Variants in ANKHD1 observed in about 807,000 individuals in gnomAD.
ANKHD1 encodes the protein ankyrin repeat and KH domain containing 1.
In ANKHD1, 31 loss-of-function variants were observed where a neutral mutation model predicts 230.5. The ratio of observed to expected loss-of-function variants is 0.13; its 90% CI spans 0.10 to 0.18. The LOEUF is 0.18. Ranked by LOEUF, ANKHD1 falls within the 10% of genes least tolerant of loss-of-function variation. ANKHD1 has a pLI of 1.00. For synonymous variants in ANKHD1, 1,074 were observed against 1,117.6 expected (o/e 0.96, Z 0.78); for missense variants, 2,256 against 3,071.3 (o/e 0.73, Z 6.27).
At chr5:140,425,459 C>T (rs919717113) in intron 1 of ANKHD1, among the ~76,000 whole-genome samples, 4 of 152,070 alleles carry the variant, frequency 2.6e-5, no homozygotes, top group Admixed American at 2.0e-4. Context: ...GGGTTTCACC[C>T]TGTTGCCCAG....
chr5:140,461,387 A>G (rs994000202), intron 9 of ANKHD1, among the ~76,000 whole-genome samples: 1 of 152,224 alleles, frequency 6.6e-6, no homozygotes, highest in Non-Finnish European at 1.5e-5. Context: ...TTATGTGATC[A>G]CTACCTAAAA....
intron 7 of ANKHD1, among the ~76,000 whole-genome samples, chr5:140,455,078 A>G (rs1031113358): frequency 6.6e-6 from 1 of 152,226 alleles, no homozygotes; most frequent in Admixed American, 6.5e-5. Context: ...AGATAATATT[A>G]TAAACACCTC....
At chr5:140,516,960 G>T (rs1179553353) in intron 24 of ANKHD1, among the ~76,000 whole-genome samples, 2 of 152,064 alleles carry the variant, frequency 1.3e-5, no homozygotes, top group South Asian at 4.2e-4. Context: ...AAATGTAAAC[G>T]GATTAAATGC....
At position 140,449,325 on chromosome 5, in the gene ANKHD1, A is replaced by T. The variant is rs758742413; in HGVS notation, c.1242+20A>T. On this transcript the variant is annotated intron_variant, in intron 7 of 33. Transcript: ENST00000360839. Reference sequence around the variant, plus strand: ...TGCATGGTAATTTTAAATTACACTCACTTGAGATTTTATGGGAAGAAAAGG... The same window carrying T: ...TGCATGGTAATTTTAAATTACACTCTCTTGAGATTTTATGGGAAGAAAAGG... The T allele has an allele frequency of 3.7e-6, 6 of 1,608,490 alleles. No homozygotes were observed. The Admixed American group carries it at 6.7e-5, about 18-fold the overall frequency.
chr5:140,510,401 C>T (rs1173218439), intron 22 of ANKHD1, among the ~76,000 whole-genome samples: 2 of 149,936 alleles, frequency 1.3e-5, no homozygotes, highest in East Asian at 4.0e-4. Flanking sequence ...CAACCTCTGC[C>T]TCCCAGGTTC....
intron 7 of ANKHD1, among the ~76,000 whole-genome samples, chr5:140,452,128 ACAG>A (rs1774794564): frequency 6.6e-6 from 1 of 152,160 alleles, no homozygotes; most frequent in Non-Finnish European, 1.5e-5. Flanking sequence ...CATTGCTAAC[ACAG>A]CAGTCTGAGA....
chr5:140,503,706 T>TA (rs1254223804), intron 15 of ANKHD1, among the ~76,000 whole-genome samples: 1 of 151,670 alleles, frequency 6.6e-6, no homozygotes, highest in Non-Finnish European at 1.5e-5. Context: ...TAGCTGGGCT[T>TA]ACAGGCGCGT....
rs539911917 is a variant in ANKHD1, at chr5:140,441,438, G to C, written c.913+296G>C. Among the ~76,000 whole-genome samples, 10 of 152,122 alleles carry C rather than the reference G, an allele frequency of 6.6e-5. No individual in the cohort carries two copies. In the East Asian group the frequency reaches 1.7e-3, roughly 26 times the overall value. ...TTGCCACAACATGGATGGACCTGAAGGACATTATGCTAAGTGGAATAAGCC... is the reference window on the plus strand; with the variant it reads ...TTGCCACAACATGGATGGACCTGAACGACATTATGCTAAGTGGAATAAGCC... On this transcript the variant is annotated intron_variant, in intron 5 of 33. Transcript: ENST00000360839.
At chr5:140,502,065 A>T (rs900596572) in intron 15 of ANKHD1, among the ~76,000 whole-genome samples, 1 of 151,546 alleles carries the variant, frequency 6.6e-6, no homozygotes, top group African/African-American at 2.4e-5. Context: ...AGCATACCGT[A>T]TAAGTTTAAT....
chr5:140,495,520 C>G (rs1273800960), intron 14 of ANKHD1, among the ~76,000 whole-genome samples: 1 of 152,178 alleles, frequency 6.6e-6, no homozygotes, highest in East Asian at 1.9e-4. Context: ...GCTAGGATTA[C>G]AGGCGTGAGC....
intron 10 of ANKHD1, 37 bp downstream of exon 10, chr5:140,464,813 T>C (rs375748156): frequency 9.0e-5 from 141 of 1,564,470 alleles, no homozygotes; most frequent in Non-Finnish European, 1.2e-4. Context: ...TTTGCGTTAA[T>C]GTTAATATCC....
intron 29 of ANKHD1, among the ~76,000 whole-genome samples, chr5:140,534,806 T>C (rs1400294962): frequency 6.6e-6 from 1 of 152,218 alleles, no homozygotes; most frequent in East Asian, 1.9e-4. Context: ...ACAAACTAGA[T>C]AGAAACTTTG....
chr5:140,514,937 C>T (rs1170957830), intron 24 of ANKHD1, among the ~76,000 whole-genome samples: 1 of 150,570 alleles, frequency 6.6e-6, no homozygotes, highest in African/African-American at 2.5e-5. Context: ...GTGCAATGAG[C>T]CACTGCACTC....
chr5:140,472,387 A>G (rs1379550965), intron 10 of ANKHD1: 1 of 1,568,266 alleles, frequency 6.4e-7, no homozygotes, highest in Admixed American at 2.0e-5. Context: ...CCAGCCAAGA[A>G]GTTCCAGGAC....
At chr5:140,462,112 G>C (rs753098448) in intron 9 of ANKHD1, among the ~76,000 whole-genome samples, 8 of 151,116 alleles carry the variant, frequency 5.3e-5, no homozygotes, top group Non-Finnish European at 8.9e-5. Context: ...TCTATCCTTT[G>C]GATTTTCTAT....
At chr5:140,518,045 C>A (rs962073659) in intron 24 of ANKHD1, among the ~76,000 whole-genome samples, 2 of 151,788 alleles carry the variant, frequency 1.3e-5, no homozygotes, top group Non-Finnish European at 2.9e-5. Context: ...AGACCACTAG[C>A]AAGACTAATA....
intron 14 of ANKHD1, among the ~76,000 whole-genome samples, chr5:140,493,093 G>A (rs573635070): frequency 6.6e-6 from 1 of 152,268 alleles, no homozygotes; most frequent in Admixed American, 6.5e-5. Context: ...CGGAGTTTTA[G>A]TCTTGTTGCC....
intron 7 of ANKHD1, among the ~76,000 whole-genome samples, chr5:140,456,180 A>C (rs1202525391): frequency 1.3e-5 from 2 of 152,230 alleles, no homozygotes; most frequent in Admixed American, 6.5e-5. Flanking sequence ...TTCAAGGAGA[A>C]CTACAAACCA....
chr5:140,458,982 A>ATATATATG (rs1775471695), intron 8 of ANKHD1, 120 bp downstream of exon 8: 1 of 10,210 alleles, frequency 9.8e-5, no homozygotes, highest in African/African-American at 3.8e-4. Flanking sequence ...ATATATATGC[A>ATATATATG]TATATATATA....
Sources: allele counts gnomAD v4.1 joint callset (sites outside exome capture counted in the v4.1 genomes callset), GRCh38; gene constraint gnomAD v4.1.1; transcripts MANE v1.5; gene names NCBI Gene and HGNC (gene_info 2026-07-23, HGNC 2026-07-21).